The following PTPRT variants were observed in gnomAD, a reference collection of about 807,000 sequenced individuals.
The protein encoded by PTPRT is protein tyrosine phosphatase receptor type T, also known as receptor-type tyrosine-protein phosphatase T.
PTPRT carries 56 observed loss-of-function variants against 176.8 expected under a neutral mutation model. The observed-to-expected ratio is 0.32, with a 90% CI of 0.26 to 0.40. The LOEUF (loss-of-function observed/expected upper bound fraction) is 0.40. Among genes scored for constraint, PTPRT ranks in the 10% least tolerant of loss-of-function variants. The pLI is 1.00. For missense variants in PTPRT, 1,540 were observed against 1,908.2 expected (o/e 0.81, Z 3.60); for synonymous variants, 783 against 739.0 (o/e 1.06, Z -0.96).
Position 42,834,553 on chromosome 20 carries a change from G to A in PTPRT, c.215-43087C>T, listed in dbSNP as rs183033953. ...AAAAACTTGCATTGAGACAAAAACC[G>A]GTATGCTGACATTTACAGTGGATTT... On this transcript the variant is annotated intron_variant, in intron 2 of 30. Coordinates refer to ENST00000373187, the MANE Select transcript of PTPRT (RefSeq NM_007050.6). Among the ~76,000 whole-genome samples, 45 of 152,076 alleles carry A rather than the reference G, an allele frequency of 3.0e-4. No individual in the cohort carries two copies. The East Asian group carries it at 7.7e-3, about 26-fold the overall frequency.
At chr20:42,841,284 A>T (rs1384592303) in intron 2 of PTPRT, among the ~76,000 whole-genome samples, 1 of 152,180 alleles carries the variant, frequency 6.6e-6, no homozygotes, top group African/African-American at 2.4e-5. Flanking sequence ...GCTATTACAC[A>T]GCTGAACATC....
intron 7 of PTPRT, among the ~76,000 whole-genome samples, chr20:42,477,356 T>C (rs980259704): frequency 6.6e-6 from 1 of 152,172 alleles, no homozygotes; most frequent in Non-Finnish European, 1.5e-5. Flanking sequence ...CCCTTCAGCA[T>C]GTCAGCCAGG....
At chr20:42,788,894 A>G (rs2077332616) in intron 3 of PTPRT, among the ~76,000 whole-genome samples, 1 of 152,168 alleles carries the variant, frequency 6.6e-6, no homozygotes, top group Non-Finnish European at 1.5e-5. Context: ...TGTGGAGCCA[A>G]GTGGTTAAGA....
At chr20:43,178,182 T>G (rs1020579556) in intron 1 of PTPRT, among the ~76,000 whole-genome samples, 2 of 152,178 alleles carry the variant, frequency 1.3e-5, no homozygotes, top group Non-Finnish European at 2.9e-5. Flanking sequence ...AAAAATGATC[T>G]CAAAACTGCA....
intron 1 of PTPRT, among the ~76,000 whole-genome samples, chr20:42,974,286 T>C (rs1433862798): frequency 6.6e-6 from 1 of 152,196 alleles, no homozygotes; most frequent in Non-Finnish European, 1.5e-5. Flanking sequence ...CCAAAACCTC[T>C]AGATATTTTC....
chr20:42,048,259 G>A, the PTPRT span, among the ~76,000 whole-genome samples: 2 of 152,316 alleles, frequency 1.3e-5, no homozygotes, highest in African/African-American at 4.8e-5. Context: ...GGTCCCAGAT[G>A]CAGGCTCAGA....
intron 7 of PTPRT, among the ~76,000 whole-genome samples, chr20:42,633,807 ATATATATATAT>A (rs1569037163): frequency 6.3e-5 from 6 of 95,636 alleles, no homozygotes; most frequent in African/African-American, 1.0e-4. Context: ...ATATATATAT[ATATATATATAT>A]AATAAAATAT....
At chr20:42,052,987 G>A in the PTPRT span, among the ~76,000 whole-genome samples, 3 of 152,160 alleles carry the variant, frequency 2.0e-5, no homozygotes, top group African/African-American at 7.2e-5. Flanking sequence ...GGTCTCTGTT[G>A]CAATGCGTCA....
At chr20:42,154,389 G>A (rs1241236850) in intron 17 of PTPRT, among the ~76,000 whole-genome samples, 1 of 152,144 alleles carries the variant, frequency 6.6e-6, no homozygotes, top group East Asian at 1.9e-4. Flanking sequence ...AAAGCTGCCT[G>A]CCTGCCATCA....
intron 29 of PTPRT, among the ~76,000 whole-genome samples, chr20:42,083,763 A>G (rs1308414320): frequency 6.6e-6 from 1 of 152,232 alleles, no homozygotes; most frequent in East Asian, 1.9e-4. Flanking sequence ...AACATTTTAA[A>G]AGAGAGAGGC....
At chr20:42,267,703 C>T (rs1178368993) in intron 13 of PTPRT, among the ~76,000 whole-genome samples, 2 of 152,086 alleles carry the variant, frequency 1.3e-5, no homozygotes, top group Non-Finnish European at 2.9e-5. Context: ...AGCCCCCTGC[C>T]ACCGGCCCCC....
chr20:42,929,655 AG>A (rs1269471951), intron 1 of PTPRT, among the ~76,000 whole-genome samples: 5 of 152,364 alleles, frequency 3.3e-5, no homozygotes, highest in Admixed American at 3.3e-4. Context: ...AAGGGCTTGG[AG>A]CCCATTTTGA....
At chr20:42,586,133 TG>T (rs1354369161) in intron 7 of PTPRT, among the ~76,000 whole-genome samples, 7 of 152,158 alleles carry the variant, frequency 4.6e-5, no homozygotes, top group African/African-American at 1.7e-4. Context: ...CTACAAATCC[TG>T]ATTAAAGGCA....
At chr20:43,035,413 G>A (rs1237811896) in intron 1 of PTPRT, among the ~76,000 whole-genome samples, 1 of 152,270 alleles carries the variant, frequency 6.6e-6, no homozygotes, top group African/African-American at 2.4e-5. Flanking sequence ...CGGTCTCTGC[G>A]GCAACTGCTC....
intron 9 of PTPRT, among the ~76,000 whole-genome samples, chr20:42,359,773 T>A (rs537351686): frequency 1.3e-5 from 2 of 152,366 alleles, no homozygotes; most frequent in African/African-American, 2.4e-5. Context: ...GCAGGCTTGG[T>A]TGGCTGTGCC....
chr20:42,382,953 G>A (rs999352865), intron 9 of PTPRT, among the ~76,000 whole-genome samples: 1 of 152,086 alleles, frequency 6.6e-6, no homozygotes, highest in Admixed American at 6.6e-5. Flanking sequence ...TGGAATTTAG[G>A]TGTCTGAGCT....
intron 16 of PTPRT, 125 bp downstream of exon 16, chr20:42,199,115 C>T: frequency 8.8e-7 from 1 of 1,136,554 alleles, no homozygotes. Flanking sequence ...CATCCCAGTC[C>T]ATATCAGGCA....
At chr20:42,670,805 C>T (rs554306703) in intron 7 of PTPRT, among the ~76,000 whole-genome samples, 4 of 152,210 alleles carry the variant, frequency 2.6e-5, no homozygotes, top group African/African-American at 7.2e-5. Flanking sequence ...TAACTATAAT[C>T]GGAGTGGCCT....
chr20:43,116,493 T>A (rs555293207), intron 1 of PTPRT, among the ~76,000 whole-genome samples: 5 of 152,318 alleles, frequency 3.3e-5, no homozygotes, highest in African/African-American at 1.2e-4. Flanking sequence ...CATACCTTTG[T>A]GAAAATAAAT....
Sources: allele counts gnomAD v4.1 joint callset (sites outside exome capture counted in the v4.1 genomes callset), GRCh38; gene constraint gnomAD v4.1.1; transcripts MANE v1.5; gene names NCBI Gene and HGNC (gene_info 2026-07-23, HGNC 2026-07-21).